ADARB2: variants seen among roughly 807,000 people sequenced by gnomAD.
The protein encoded by ADARB2 is inactive double-stranded RNA-specific editase B2.
Under a neutral mutation model 62.2 loss-of-function variants are expected in ADARB2, and 25 were observed. The ratio of observed to expected loss-of-function variants is 0.40; its 90% confidence interval spans 0.29 to 0.56. The LOEUF is 0.56. ADARB2 is among the 20% of genes least tolerant of loss of function. ADARB2 has a pLI of 0.43. For missense variants in ADARB2, 1,071 were observed against 1,077.4 expected, an observed-to-expected ratio of 0.99 and a Z score of 0.08; for synonymous variants, 572 against 500.8, an observed-to-expected ratio of 1.14 and a Z score of -1.90.
At chr10:1,719,781 C>T (rs187095468) in intron 1 of ADARB2, among the ~76,000 whole-genome samples, 68 of 152,320 alleles carry the variant, frequency 4.5e-4, no homozygotes, top group Admixed American at 1.7e-3. Flanking sequence ...GATCCACAAG[C>T]ATGTGAAAAA....
intron 1 of ADARB2, among the ~76,000 whole-genome samples, chr10:1,396,094 G>A (rs1227061008): frequency 6.6e-6 from 1 of 152,218 alleles, no homozygotes; most frequent in Non-Finnish European, 1.5e-5. Flanking sequence ...AGCGAGCAAT[G>A]ATCGCGTAAG....
intron 1 of ADARB2, among the ~76,000 whole-genome samples, chr10:1,611,772 GC>G (rs1237166960): frequency 6.6e-6 from 1 of 152,192 alleles, no homozygotes; most frequent in Admixed American, 6.5e-5. Context: ...TATCGTCCCA[GC>G]GATGAGATTT....
At chr10:1,192,088 C>T (rs1193972555) in intron 8 of ADARB2, among the ~76,000 whole-genome samples, 2 of 152,172 alleles carry the variant, frequency 1.3e-5, no homozygotes, top group African/African-American at 4.8e-5. Flanking sequence ...TCCTTATTTA[C>T]CTTTTTAAAA....
intron 1 of ADARB2, among the ~76,000 whole-genome samples, chr10:1,625,549 C>T (rs986208777): frequency 9.9e-5 from 15 of 152,086 alleles, no homozygotes; most frequent in Admixed American, 3.9e-4. Context: ...GTTTTGGAAT[C>T]TAAGCTCCAC....
intron 1 of ADARB2, among the ~76,000 whole-genome samples, chr10:1,658,527 C>T (rs751722402): frequency 2.0e-5 from 3 of 151,796 alleles, no homozygotes; most frequent in Non-Finnish European, 4.4e-5. Flanking sequence ...CTGCCTGATT[C>T]GCGTCTCTCT....
chr10:1,402,596 T>A (rs1267613514), intron 1 of ADARB2, among the ~76,000 whole-genome samples: 1 of 152,132 alleles, frequency 6.6e-6, no homozygotes. Context: ...TGGCGCACAC[T>A]GTCATCGAGT....
At chr10:1,675,997 C>A (rs774904251) in intron 1 of ADARB2, 25 of 985,098 alleles carry the variant, frequency 2.5e-5, no homozygotes, top group Non-Finnish European at 2.8e-5. Context: ...CCCACCCACC[C>A]CCGACTTTGG....
intron 1 of ADARB2, among the ~76,000 whole-genome samples, chr10:1,536,060 C>T (rs1832328382): frequency 6.6e-6 from 1 of 152,170 alleles, no homozygotes; most frequent in Non-Finnish European, 1.5e-5. Context: ...GCCCCAGAAA[C>T]ATGGGCAGCA....
intron 3 of ADARB2, among the ~76,000 whole-genome samples, chr10:1,351,923 A>C (rs1262624720): frequency 1.4e-5 from 2 of 147,716 alleles, no homozygotes; most frequent in Non-Finnish European, 3.0e-5. Flanking sequence ...TGCCAAACCC[A>C]TATACTCTCC....
At chr10:1,395,835 C>T (rs1832608270) in intron 1 of ADARB2, among the ~76,000 whole-genome samples, 1 of 152,216 alleles carries the variant, frequency 6.6e-6, no homozygotes, top group South Asian at 2.1e-4. Context: ...TCAGCGCCCC[C>T]GGCTTCCCCA....
intron 1 of ADARB2, among the ~76,000 whole-genome samples, chr10:1,707,863 C>T (rs963709420): frequency 2.6e-5 from 4 of 152,128 alleles, no homozygotes; most frequent in Admixed American, 6.6e-5. Context: ...GGGACCAGCC[C>T]GGTCCACACA....
At chr10:1,458,142 A>G (rs1831120174) in intron 1 of ADARB2, among the ~76,000 whole-genome samples, 1 of 152,148 alleles carries the variant, frequency 6.6e-6, no homozygotes, top group Non-Finnish European at 1.5e-5. Context: ...ACCTCTCTCA[A>G]TGGAGGTGTC....
At position 1,178,311 on chromosome 10, in the gene ADARB2, G is replaced by GGAGGAGAGAAAGGGGC. The variant is rs1836616569; in HGVS notation, c.*4881_*4882insGCCCCTTTCTCTCCTC. 1 of 152,422 alleles carries GGAGGAGAGAAAGGGGC rather than the reference G, an allele frequency of 6.6e-6. No individual in the cohort carries two copies. The highest frequency in any genetic ancestry group is 2.4e-5 in the African/African-American group (1 of 41,440). 9.4% of individuals were successfully genotyped at this position (152,422 alleles called of 1,614,324 possible). Reference sequence around the variant, plus strand: ...GAAGCGAAGAGGCTGAGGGGAGAGTGAGCGGAGGGTGGTGCTGGCCGCCTC... The same window carrying GGAGGAGAGAAAGGGGC: ...GAAGCGAAGAGGCTGAGGGGAGAGTGGAGGAGAGAAAGGGGCAGCGGAGGGTGGTGCTGGCCGCCTC... On this transcript the variant is annotated 3_prime_UTR_variant, in exon 10 of 10. Coordinates refer to ENST00000381312, the MANE Select transcript of ADARB2 (RefSeq NM_018702.4).
intron 3 of ADARB2, among the ~76,000 whole-genome samples, chr10:1,280,512 A>T (rs915672765): frequency 7.9e-5 from 12 of 152,120 alleles, no homozygotes; most frequent in Admixed American, 6.5e-4. Context: ...TGCTGGAGAA[A>T]ATTGTGTTTG....
Position 1,454,192 on chromosome 10 carries a change from C to G in ADARB2, c.101-75032G>C, listed in dbSNP as rs1831071140. ...ACTGCCCTTTATTAAACCATCAGAT[C>G]TCGTGAGATATTTTCACTGTCATGA... On this transcript the variant is annotated intron_variant, in intron 1 of 9. Transcript: ENST00000381312. Among the ~76,000 whole-genome samples, 2 of 152,224 alleles carry G rather than the reference C, an allele frequency of 1.3e-5. 1 individual carries two copies. The highest frequency in any genetic ancestry group is 3.9e-4 in the East Asian group (2 of 5,170).
At chr10:1,642,982 C>T (rs1390788224) in intron 1 of ADARB2, among the ~76,000 whole-genome samples, 2 of 152,212 alleles carry the variant, frequency 1.3e-5, no homozygotes, top group African/African-American at 4.8e-5. Flanking sequence ...GAACGGATTC[C>T]CACTGTGTGC....
At chr10:1,295,394 G>A (rs184273132) in intron 3 of ADARB2, among the ~76,000 whole-genome samples, 1 of 152,306 alleles carries the variant, frequency 6.6e-6, no homozygotes, top group Non-Finnish European at 1.5e-5. Context: ...GTGGATTGCT[G>A]TGCACTTTTG....
chr10:1,671,652 G>A (rs1194890659), intron 1 of ADARB2, among the ~76,000 whole-genome samples: 1 of 151,968 alleles, frequency 6.6e-6, no homozygotes, highest in Non-Finnish European at 1.5e-5. Flanking sequence ...TCATCTCCTC[G>A]TTCTGTGCCT....
At chr10:1,200,794 T>C (rs1234419570) in intron 7 of ADARB2, among the ~76,000 whole-genome samples, 2 of 152,242 alleles carry the variant, frequency 1.3e-5, no homozygotes, top group Non-Finnish European at 2.9e-5. Context: ...TCCATGTGTG[T>C]GTTTTTTGAA....
Sources: allele counts gnomAD v4.1 joint callset (sites outside exome capture counted in the v4.1 genomes callset), GRCh38; gene constraint gnomAD v4.1.1; transcripts MANE v1.5; gene names NCBI Gene and HGNC (gene_info 2026-07-23, HGNC 2026-07-21).